The following PARPBP variants were observed in gnomAD, a reference collection of about 807,000 sequenced individuals.
PARPBP encodes PCNA-interacting partner.
PARPBP carries 52 observed loss-of-function variants against 50.0 expected under a neutral mutation model. The observed-to-expected ratio is 1.04, with a 90% CI of 0.83 to 1.31. The LOEUF is 1.31. PARPBP is among the 50% of genes most tolerant of loss of function. PARPBP has a pLI of 0.00. For synonymous variants in PARPBP, 244 were observed against 232.1 expected, an observed-to-expected ratio of 1.05 and a Z score of -0.47; for missense variants, 697 against 672.0, an observed-to-expected ratio of 1.04 and a Z score of -0.41.
intron 9 of PARPBP, among the ~76,000 whole-genome samples, chr12:102,190,159 T>G (rs183127769): frequency 1.3e-5 from 2 of 152,294 alleles, no homozygotes; most frequent in African/African-American, 4.8e-5. Flanking sequence ...AGCATACAAT[T>G]ATCGTGTGGT....
chr12:102,143,554 C>G (rs1450115331), intron 2 of PARPBP, among the ~76,000 whole-genome samples: 1 of 152,202 alleles, frequency 6.6e-6, no homozygotes, highest in Non-Finnish European at 1.5e-5. Flanking sequence ...CACTCATCTT[C>G]TGCGTCGCTC....
chr12:102,151,168 A>C lies in PARPBP; in HGVS notation c.388-2701A>C, dbSNP rs985580357. 2.0e-5 allele frequency among the ~76,000 whole-genome samples: 3 copies of C among 152,326 alleles called. No homozygotes were observed. In the South Asian group the frequency reaches 6.2e-4, roughly 32 times the overall value. On this transcript the variant is annotated intron_variant, in intron 3 of 10. Transcript: ENST00000327680. Reference sequence around the variant, plus strand: ...ACTGGGGGGAATGACAGCAACTTGAATACGTATAAATGTTAGGTACTTGGG... The same window carrying C: ...ACTGGGGGGAATGACAGCAACTTGACTACGTATAAATGTTAGGTACTTGGG...
At chr12:102,160,311 A>G (rs1887426766) in intron 4 of PARPBP, among the ~76,000 whole-genome samples, 1 of 152,246 alleles carries the variant, frequency 6.6e-6, no homozygotes, top group African/African-American at 2.4e-5. Flanking sequence ...AACCTTAAAG[A>G]GCAAGTTGTA....
At chr12:102,153,083 G>T (rs1168879181) in intron 3 of PARPBP, among the ~76,000 whole-genome samples, 1 of 152,108 alleles carries the variant, frequency 6.6e-6, no homozygotes, top group Non-Finnish European at 1.5e-5. Flanking sequence ...GTTATTGTAG[G>T]TTGGCCTTTT....
intron 8 of PARPBP, among the ~76,000 whole-genome samples, chr12:102,181,903 C>T (rs369205071): frequency 1.3e-4 from 20 of 152,104 alleles, no homozygotes; most frequent in African/African-American, 4.8e-4. Context: ...TGGGTTTTCA[C>T]GTGGCTGGGA....
At chr12:102,151,548 G>T in intron 3 of PARPBP, 2 of 1,519,910 alleles carry the variant, frequency 1.3e-6, no homozygotes, top group South Asian at 2.4e-5. Context: ...CACTTTTTAG[G>T]ACCTTCTGAT....
In PARPBP at chr12:102,124,058, T is replaced by G; in HGVS notation, c.153+17T>G. On this transcript the variant is annotated intron_variant, in intron 2 of 10. Coordinates refer to ENST00000327680, the MANE Select transcript of PARPBP (RefSeq NM_017915.5). The stretch of plus-strand genomic sequence containing the variant: ...AACAAACAGGTTGGTAAACTATATT[T>G]GGGTTAACTTGTTTTTTTAAAGCAA... 1 of 1,521,964 alleles carries G rather than the reference T, an allele frequency of 6.6e-7. No individual in the cohort carries two copies. Among genetic ancestry groups the G allele is most frequent in the South Asian group, 1.2e-5 (1 of 81,564 alleles). 94.3% of individuals were successfully genotyped at this position (1,521,964 alleles called of 1,614,324 possible). A position where few individuals can be genotyped will look rare whatever the true frequency, so the allele number is the denominator to read the frequency against.
At chr12:102,165,078 T>C (rs1327526567) in intron 5 of PARPBP, among the ~76,000 whole-genome samples, 1 of 152,226 alleles carries the variant, frequency 6.6e-6, no homozygotes, top group African/African-American at 2.4e-5. Flanking sequence ...AACTTTCCCC[T>C]AAATTATCGA....
intron 2 of PARPBP, among the ~76,000 whole-genome samples, chr12:102,125,950 T>G (rs1362233014): frequency 1.3e-5 from 2 of 152,184 alleles, no homozygotes; most frequent in Non-Finnish European, 2.9e-5. Context: ...GTTAGATGAT[T>G]ATTCTCCCCT....
chr12:102,174,744 C>T (rs1889090747), intron 6 of PARPBP, among the ~76,000 whole-genome samples: 1 of 152,182 alleles, frequency 6.6e-6, no homozygotes, highest in Admixed American at 6.5e-5. Context: ...TTATATGTTT[C>T]TCACATTTGT....
At chr12:102,153,131 A>G (rs981378197) in intron 3 of PARPBP, among the ~76,000 whole-genome samples, 4 of 152,132 alleles carry the variant, frequency 2.6e-5, no homozygotes, top group South Asian at 2.1e-4. Context: ...TCTGACACCC[A>G]TGGTTCCACC....
rs562643953 is a variant in PARPBP at position 102,154,921 on chromosome 12, C to T, written c.495+945C>T. On this transcript the variant is annotated intron_variant, in intron 4 of 10. Transcript: ENST00000327680. The stretch of plus-strand genomic sequence containing the variant: ...TTTCTAAGGGTGGCCACCTATGAGA[C>T]GTCATCTACATAATAAGAACCTTGG... 27 of 424,118 alleles carry T rather than the reference C, an allele frequency of 6.4e-5. No homozygotes were observed. The Admixed American group carries it at 6.5e-4, about 10-fold the overall frequency. 26.3% of individuals were successfully genotyped at this position (424,118 alleles called of 1,614,324 possible). A position where few individuals can be genotyped will look rare whatever the true frequency, so the allele number is the denominator to read the frequency against.
intron 2 of PARPBP, among the ~76,000 whole-genome samples, chr12:102,128,609 T>G (rs751698940): frequency 5.3e-5 from 8 of 152,218 alleles, no homozygotes; most frequent in Non-Finnish European, 7.4e-5. Flanking sequence ...CTTACTTTCC[T>G]TAATATAATG....
intron 4 of PARPBP, among the ~76,000 whole-genome samples, chr12:102,162,203 T>A (rs1887675891): frequency 6.6e-6 from 1 of 152,204 alleles, no homozygotes; most frequent in African/African-American, 2.4e-5. Context: ...TAGTTTCTTT[T>A]ATGCTTCAAA....
intron 2 of PARPBP, among the ~76,000 whole-genome samples, chr12:102,137,716 C>T (rs1295972989): frequency 6.6e-6 from 1 of 151,700 alleles, no homozygotes; most frequent in Non-Finnish European, 1.5e-5. Flanking sequence ...CATGTGTTCT[C>T]ATTGTTCAGT....
At chr12:102,124,162 T>C (rs1881594344) in intron 2 of PARPBP, 121 bp downstream of exon 2, 11 of 681,338 alleles carry the variant, frequency 1.6e-5, no homozygotes, top group Non-Finnish European at 2.5e-5. Flanking sequence ...TCTGTGATAA[T>C]ACACCATTTT....
intron 9 of PARPBP, among the ~76,000 whole-genome samples, chr12:102,184,131 G>A (rs374056071): frequency 1.1e-4 from 16 of 151,082 alleles, no homozygotes; most frequent in African/African-American, 3.9e-4. Context: ...ATATTACCGG[G>A]AAAGGGCTTA....
chr12:102,153,258 T>C (rs146982463), intron 3 of PARPBP, among the ~76,000 whole-genome samples: 8 of 152,300 alleles, frequency 5.3e-5, no homozygotes, highest in South Asian at 2.1e-4. Context: ...TTCTTCCAAA[T>C]TGCCTTTGAA....
intron 9 of PARPBP, among the ~76,000 whole-genome samples, chr12:102,190,395 G>T (rs1343868513): frequency 6.6e-6 from 1 of 152,066 alleles, no homozygotes; most frequent in Non-Finnish European, 1.5e-5. Context: ...TGCCCTAAAG[G>T]ACAAGGCTTC....
Sources: allele counts gnomAD v4.1 joint callset (sites outside exome capture counted in the v4.1 genomes callset), GRCh38; gene constraint gnomAD v4.1.1; transcripts MANE v1.5; gene names NCBI Gene and HGNC (gene_info 2026-07-23, HGNC 2026-07-21).